The following ST6GALNAC5 variants were observed in gnomAD, a reference collection of about 807,000 sequenced individuals.
The protein encoded by ST6GALNAC5 is alpha-N-acetylgalactosaminide alpha-2,6-sialyltransferase 5.
A neutral mutation model predicts 33.6 loss-of-function variants in ST6GALNAC5; 27 were observed. The observed-to-expected ratio is 0.80, with a 90% CI of 0.59 to 1.11. ST6GALNAC5 has a LOEUF of 1.11. Ranked by LOEUF, ST6GALNAC5 falls within the 50% of genes least tolerant of loss-of-function variation. The probability of loss-of-function intolerance (pLI) is 0.00; values close to 1 mark genes in which losing one functional copy is unlikely to be tolerated. For missense variants in ST6GALNAC5, 428 were observed against 454.0 expected (o/e 0.94, Z 0.52); for synonymous variants, 194 against 171.2 (o/e 1.13, Z -1.04).
intron 4 of ST6GALNAC5, 21 bp from the exon 5 acceptor site, chr1:77,062,954 T>G (rs992603114): frequency 6.2e-7 from 1 of 1,600,802 alleles, no homozygotes; most frequent in African/African-American, 1.3e-5. Context: ...TTTAATCAGT[T>G]ATCTCAATTT....
At chr1:76,923,072 G>A (rs1285573650) in intron 2 of ST6GALNAC5, among the ~76,000 whole-genome samples, 2 of 152,094 alleles carry the variant, frequency 1.3e-5, no homozygotes, top group Non-Finnish European at 2.9e-5. Context: ...CAACTTGAGG[G>A]ATCCTTATGG....
chr1:76,980,637 A>C (rs1649211449), intron 2 of ST6GALNAC5, among the ~76,000 whole-genome samples: 2 of 152,226 alleles, frequency 1.3e-5, no homozygotes, highest in Non-Finnish European at 2.9e-5. Context: ...TAGGTTTTTC[A>C]ACAAATGCTA....
intron 2 of ST6GALNAC5, among the ~76,000 whole-genome samples, chr1:76,874,412 G>C (rs757840164): frequency 3.9e-5 from 6 of 152,168 alleles, no homozygotes; most frequent in Non-Finnish European, 8.8e-5. Flanking sequence ...TCTGTAAAGA[G>C]ATAAAGCTAA....
chr1:76,894,819 G>A (rs935796328), intron 2 of ST6GALNAC5, among the ~76,000 whole-genome samples: 5 of 152,178 alleles, frequency 3.3e-5, no homozygotes, highest in Admixed American at 6.5e-5. Context: ...AATTTCACTC[G>A]CGTCCATGTG....
intron 2 of ST6GALNAC5, among the ~76,000 whole-genome samples, chr1:76,906,378 T>C (rs944056151): frequency 1.1e-4 from 17 of 152,174 alleles, no homozygotes; most frequent in African/African-American, 4.1e-4. Context: ...GGAAATGAAG[T>C]GGCAGTGTCT....
At chr1:76,908,178 A>G (rs1646881588) in intron 2 of ST6GALNAC5, among the ~76,000 whole-genome samples, 1 of 152,114 alleles carries the variant, frequency 6.6e-6, no homozygotes, top group Non-Finnish European at 1.5e-5. Context: ...GGCTGCTATA[A>G]CAAAATATAC....
chr1:76,898,125 G>A (rs1646772567), intron 2 of ST6GALNAC5, among the ~76,000 whole-genome samples: 1 of 152,200 alleles, frequency 6.6e-6, no homozygotes, highest in Non-Finnish European at 1.5e-5. Flanking sequence ...TGCCAGGTGA[G>A]TTGAACAGTC....
intron 2 of ST6GALNAC5, among the ~76,000 whole-genome samples, chr1:77,038,050 C>T (rs900813570): frequency 3.3e-5 from 5 of 152,178 alleles, no homozygotes; most frequent in South Asian, 4.1e-4. Context: ...CTTCAAATTA[C>T]CTTTCTAATG....
intron 3 of ST6GALNAC5, among the ~76,000 whole-genome samples, chr1:77,045,753 G>C (rs1157930631): frequency 2.6e-5 from 4 of 152,140 alleles, no homozygotes; most frequent in Non-Finnish European, 5.9e-5. Context: ...GCCCCCTGTG[G>C]CTGCAGTCAG....
intron 2 of ST6GALNAC5, among the ~76,000 whole-genome samples, chr1:77,035,712 G>T (rs1358839802): frequency 1.3e-5 from 2 of 152,116 alleles, no homozygotes; most frequent in African/African-American, 4.8e-5. Context: ...CAAATCAAAA[G>T]CACAGTGAGG....
intron 2 of ST6GALNAC5, among the ~76,000 whole-genome samples, chr1:77,025,118 A>C (rs1030915381): frequency 2.0e-5 from 3 of 152,230 alleles, no homozygotes; most frequent in East Asian, 3.8e-4. Flanking sequence ...CCTATTAAAA[A>C]TTTTAAAATA....
intron 2 of ST6GALNAC5, among the ~76,000 whole-genome samples, chr1:76,921,161 A>G (rs1647031029): frequency 6.6e-6 from 1 of 152,148 alleles, no homozygotes; most frequent in Admixed American, 6.6e-5. Flanking sequence ...GAAAGTTACA[A>G]ATGTGGCATG....
intron 4 of ST6GALNAC5, among the ~76,000 whole-genome samples, chr1:77,058,002 T>A (rs1218755028): frequency 6.6e-6 from 1 of 152,140 alleles, no homozygotes; most frequent in Non-Finnish European, 1.5e-5. Context: ...GCACCACACA[T>A]GGGGCTCCTC....
At chr1:77,023,515 C>T (rs1651127278) in intron 2 of ST6GALNAC5, among the ~76,000 whole-genome samples, 2 of 152,058 alleles carry the variant, frequency 1.3e-5, no homozygotes, top group African/African-American at 4.8e-5. Flanking sequence ...GAGGTTTGTG[C>T]TGACAAAGCG....
At chr1:76,935,513 G>A (rs1339083550) in intron 2 of ST6GALNAC5, among the ~76,000 whole-genome samples, 1 of 152,042 alleles carries the variant, frequency 6.6e-6, no homozygotes, top group Non-Finnish European at 1.5e-5. Flanking sequence ...TAAAGGTGCA[G>A]ATTACAAGTT....
chr1:77,025,356 A>C (rs1651191038), intron 2 of ST6GALNAC5, among the ~76,000 whole-genome samples: 1 of 152,130 alleles, frequency 6.6e-6, no homozygotes, highest in African/African-American at 2.4e-5. Context: ...AACATGGTGA[A>C]ATCCCCTCTT....
chr1:76,887,692 T>A (rs1653928578), intron 2 of ST6GALNAC5, among the ~76,000 whole-genome samples: 2 of 152,238 alleles, frequency 1.3e-5, no homozygotes, highest in South Asian at 4.1e-4. Flanking sequence ...ATAATTCTCT[T>A]GCTCATTTTT....
At chr1:76,981,334 C>G (rs560368232) in intron 2 of ST6GALNAC5, among the ~76,000 whole-genome samples, 1 of 152,238 alleles carries the variant, frequency 6.6e-6, no homozygotes, top group Non-Finnish European at 1.5e-5. Flanking sequence ...CAAGGTGATT[C>G]TCTCCTGTGC....
intron 2 of ST6GALNAC5, among the ~76,000 whole-genome samples, chr1:76,935,321 G>GGGT (rs1647189862): frequency 6.6e-6 from 1 of 151,956 alleles, no homozygotes. Context: ...TCAGATTATG[G>GGGT]GGTTTTTTCC....
Sources: gnomAD v4.1 joint callset for allele counts (sites outside exome capture counted in the v4.1 genomes callset) on GRCh38, gnomAD v4.1.1 for gene constraint, MANE v1.5 for transcripts, NCBI Gene and HGNC (gene_info 2026-07-23, HGNC 2026-07-21) for gene names.